Variants in NUGGC observed in about 807,000 individuals in gnomAD.
NUGGC encodes nuclear GTPase SLIP-GC.
Under a neutral mutation model 92.6 loss-of-function variants are expected in NUGGC, and 58 were observed. The ratio of observed to expected loss-of-function variants is 0.63; its 90% CI spans 0.51 to 0.78. The LOEUF (loss-of-function observed/expected upper bound fraction) is 0.78. NUGGC is among the 30% of genes least tolerant of loss of function. The pLI is 0.00. For missense variants in NUGGC, 925 were observed against 964.6 expected, an observed-to-expected ratio of 0.96 and a Z score of 0.54; for synonymous variants, 376 against 366.4, an observed-to-expected ratio of 1.03 and a Z score of -0.30.
At chr8:28,045,437 A>C in intron 12 of NUGGC, 90 bp downstream of exon 12, 1 of 1,310,078 alleles carries the variant, frequency 7.6e-7, no homozygotes. Context: ...TATGAAAAGA[A>C]AAAATATCAT....
intron 1 of NUGGC, among the ~76,000 whole-genome samples, chr8:28,083,194 T>A (rs1274270841): frequency 6.6e-6 from 1 of 152,178 alleles, no homozygotes; most frequent in Admixed American, 6.5e-5. Flanking sequence ...AGACAAGCGC[T>A]GCCTCTACCA....
At chr8:28,048,924 T>C (rs113072499) in intron 10 of NUGGC, among the ~76,000 whole-genome samples, 1 of 151,368 alleles carries the variant, frequency 6.6e-6, no homozygotes, top group Non-Finnish European at 1.5e-5. Context: ...TTTTTGTGCT[T>C]AGAAAAACAG....
intron 1 of NUGGC, among the ~76,000 whole-genome samples, chr8:28,082,616 A>T (rs1027928650): frequency 1.3e-5 from 2 of 152,202 alleles, no homozygotes; most frequent in Non-Finnish European, 2.9e-5. Flanking sequence ...AAATTCACTT[A>T]AACAGCCTGA....
intron 3 of NUGGC, chr8:28,069,861 G>C (rs1810542456): frequency 3.5e-6 from 2 of 579,554 alleles, no homozygotes; most frequent in South Asian, 4.5e-5. Flanking sequence ...CAAAGAGCCA[G>C]GCTGCTCTGA....
chr8:28,067,769 C>A (rs757432160), intron 5 of NUGGC, 25 bp from the exon 6 acceptor site: 11 of 1,559,134 alleles, frequency 7.1e-6, no homozygotes, highest in Non-Finnish European at 9.7e-6. Flanking sequence ...TAGGGCCAAG[C>A]CCCTCTTGAC....
chr8:28,047,984 C>T (rs928486175), intron 10 of NUGGC, among the ~76,000 whole-genome samples: 11 of 152,184 alleles, frequency 7.2e-5, no homozygotes. Context: ...GCAGCCAGCT[C>T]GTACCAGCTC....
chr8:28,050,400 GGAAAGGAAAA>G (rs1377041103), intron 10 of NUGGC, among the ~76,000 whole-genome samples: 2 of 150,392 alleles, frequency 1.3e-5, no homozygotes, highest in Admixed American at 6.6e-5. Context: ...AAAGAAAAAA[GGAAAGGAAAA>G]GAAAGGAAAG....
chr8:28,024,334 C>T (rs1809200699), intron 18 of NUGGC, among the ~76,000 whole-genome samples: 2 of 151,946 alleles, frequency 1.3e-5, no homozygotes, highest in South Asian at 2.1e-4. Context: ...CATGAGCCAC[C>T]GTGCCCGGCC....
intron 2 of NUGGC, among the ~76,000 whole-genome samples, chr8:28,071,181 C>T (rs1467745693): frequency 1.3e-5 from 2 of 152,088 alleles, no homozygotes; most frequent in Non-Finnish European, 2.9e-5. Flanking sequence ...TGCAACTCCT[C>T]AGAAGCCAAA....
chr8:28,065,336 A>G (rs1305807382), intron 6 of NUGGC, among the ~76,000 whole-genome samples: 1 of 151,884 alleles, frequency 6.6e-6, no homozygotes, highest in Non-Finnish European at 1.5e-5. Context: ...TTTTTGTTGT[A>G]TTTTTAGTAG....
At position 28,047,553 on chromosome 8, in the gene NUGGC, G is replaced by T. The variant is rs766084745; in HGVS notation, c.1266C>A (p.Ser422Arg). Reference sequence around the variant, plus strand: ...GAGCCTGCTGCCAGTACTCCTGGGCGCTGACTGTATACACCAGATCTGAGG... The same window carrying T: ...GAGCCTGCTGCCAGTACTCCTGGGCTCTGACTGTATACACCAGATCTGAGG... ...LEASDLVYTV[S>R]AQEYWQQALL... The change falls in exon 11 of 19, where the codon AGC (serine) becomes AGA (arginine). Residue 422 changes from serine (S) to arginine (R), a missense_variant. Physicochemically the swap from Ser to Arg is moderately radical, Grantham distance 110. Transcript: ENST00000413272. 13 of 1,570,150 alleles carry T rather than the reference G, an allele frequency of 8.3e-6. No individual in the cohort carries two copies. In the East Asian group the frequency reaches 2.8e-4, roughly 34 times the overall value.
At chr8:28,060,142 G>C in intron 8 of NUGGC, 1 of 547,692 alleles carries the variant, frequency 1.8e-6, no homozygotes, top group South Asian at 1.7e-5. Flanking sequence ...AGTGCAGGAG[G>C]TACACCATCT....
intron 10 of NUGGC, among the ~76,000 whole-genome samples, chr8:28,053,534 C>A (rs915323229): frequency 1.3e-5 from 2 of 151,970 alleles, no homozygotes; most frequent in Admixed American, 6.6e-5. Context: ...GTAAAGGTTT[C>A]ACAATAATTC....
chr8:28,040,926 T>C (rs1809679715), intron 13 of NUGGC, 125 bp downstream of exon 13: 7 of 927,818 alleles, frequency 7.5e-6, no homozygotes, highest in African/African-American at 1.7e-5. Flanking sequence ...ATTACAGGCA[T>C]GAGCCGCCAT....
chr8:28,024,347 G>A (rs1190325009), intron 18 of NUGGC, among the ~76,000 whole-genome samples: 1 of 151,990 alleles, frequency 6.6e-6, no homozygotes, highest in Non-Finnish European at 1.5e-5. Context: ...GCCCGGCCAA[G>A]CCTTGGTTGG....
intron 2 of NUGGC, 73 bp from the exon 3 acceptor site, chr8:28,070,429 T>C (rs1226390773): frequency 3.8e-6 from 3 of 788,020 alleles, no homozygotes; most frequent in East Asian, 2.7e-5. Context: ...TCTATCAGCA[T>C]AGAAACTCAA....
intron 4 of NUGGC, among the ~76,000 whole-genome samples, chr8:28,069,153 G>A (rs1417795154): frequency 1.3e-5 from 2 of 152,162 alleles, no homozygotes; most frequent in Admixed American, 6.5e-5. Context: ...AGTCCTTCAA[G>A]TCAGCAGAGG....
chr8:28,075,517 G>C (rs1241044987), intron 1 of NUGGC, among the ~76,000 whole-genome samples: 1 of 152,168 alleles, frequency 6.6e-6, no homozygotes. Flanking sequence ...AGGAACACGA[G>C]TGGGGAACAC....
intron 1 of NUGGC, among the ~76,000 whole-genome samples, chr8:28,075,250 C>T (rs749446550): frequency 9.2e-5 from 14 of 152,110 alleles, no homozygotes; most frequent in Admixed American, 3.9e-4. Flanking sequence ...CCTCACCAAG[C>T]GCAACTTCCA....
Sources: gnomAD v4.1 joint callset for allele counts (sites outside exome capture counted in the v4.1 genomes callset) on GRCh38, gnomAD v4.1.1 for gene constraint, MANE v1.5 for transcripts, NCBI Gene and HGNC (gene_info 2026-07-23, HGNC 2026-07-21) for gene names.